C6orf141: variants seen among roughly 807,000 people sequenced by gnomAD.
The protein encoded by C6orf141 is uncharacterized protein C6orf141.
For missense variants in C6orf141, 361 were observed against 335.8 expected, an observed-to-expected ratio of 1.07 and a Z score of -0.59; for synonymous variants, 164 against 140.5, an observed-to-expected ratio of 1.17 and a Z score of -1.18.
rs1472355212 is a variant in C6orf141, at chr6:49,558,063, T to TG, written c.*763+2906_*763+2907insG. Among the ~76,000 whole-genome samples the TG allele has an allele frequency of 8.5e-3, 1,077 of 126,804 alleles. 20 individuals carry two copies. Among genetic ancestry groups the TG allele is most frequent in the South Asian group, 0.029 (110 of 3,780 alleles). 83.2% of individuals were successfully genotyped at this position (126,804 alleles called of 152,430 possible). ...CATGCCGTTACACTCAAATATGTTT[T>TG]TTTTTTTTTTTTTTTTTTTTAGTAG... is the stretch of plus-strand genomic sequence containing the variant. On this transcript the variant is annotated intron_variant and NMD_transcript_variant, in intron 4 of 4. Coordinates refer to the C6orf141 transcript ENST00000371194.
chr6:49,557,649 A>AAAAC (rs374155278), intron 4 of C6orf141, among the ~76,000 whole-genome samples: 6 of 152,108 alleles, frequency 3.9e-5, no homozygotes, highest in African/African-American at 7.2e-5. Context: ...GTAATCACTG[A>AAAAC]AAACAAACAA....
intron 4 of C6orf141, among the ~76,000 whole-genome samples, chr6:49,559,727 G>T (rs1304472686): frequency 6.6e-6 from 1 of 152,042 alleles, no homozygotes; most frequent in Non-Finnish European, 1.5e-5. Context: ...GGCACAATTG[G>T]GTATCTTGAA....
downstream of C6orf141, among the ~76,000 whole-genome samples, chr6:49,555,803 C>G (rs576179501): frequency 2.5e-4 from 38 of 151,868 alleles, no homozygotes; most frequent in Admixed American, 2.1e-3. Flanking sequence ...CCACCGCGCA[C>G]CTGGCGTGCC....
At chr6:49,558,071 T>TTGTTTTTTTTTTTTTTTTTTTG (rs1554168735) in intron 4 of C6orf141, among the ~76,000 whole-genome samples, 26 of 139,414 alleles carry the variant, frequency 1.9e-4, no homozygotes, top group African/African-American at 6.8e-4. Context: ...TTTTTTTTTT[T>TTGTTTTTTTTTTTTTTTTTTTG]TTTTTTTTTT....
At chr6:49,560,446 G>A (rs1773080030) in intron 4 of C6orf141, 1 of 152,250 alleles carries the variant, frequency 6.6e-6, no homozygotes, top group Non-Finnish European at 1.5e-5. Flanking sequence ...GGTTTGCTCA[G>A]GAGAGAACAA....
chr6:49,561,323 T>C (rs533495219), intron 4 of C6orf141, among the ~76,000 whole-genome samples: 65 of 152,240 alleles, frequency 4.3e-4, no homozygotes, highest in Admixed American at 7.8e-4. Flanking sequence ...GGTCTCAAAC[T>C]CCTGACCTCA....
chr6:49,558,059 G>GTTTTTTTTTTTTTGTTTTTTTTTGTT (rs1772345550), intron 4 of C6orf141, among the ~76,000 whole-genome samples: 4 of 97,802 alleles, frequency 4.1e-5, no homozygotes, highest in Admixed American at 1.3e-4. Context: ...ACTCAAATAT[G>GTTTTTTTTTTTTTGTTTTTTTTTGTT]TTTTTTTTTT....
At chr6:49,561,690 T>C (rs1485827240) in intron 4 of C6orf141, 1 of 152,080 alleles carries the variant, frequency 6.6e-6, no homozygotes, top group Non-Finnish European at 1.5e-5. Context: ...ACTTATTCTT[T>C]TCTTAAAAAA....
chr6:49,554,247 C>T (rs536582808), downstream of C6orf141, among the ~76,000 whole-genome samples: 16 of 152,192 alleles, frequency 1.1e-4, no homozygotes, highest in African/African-American at 3.6e-4. Context: ...GTTTGTTTTC[C>T]CTCTGGGATT....
intron 4 of C6orf141, among the ~76,000 whole-genome samples, chr6:49,557,525 A>G (rs1324048690): frequency 6.6e-6 from 1 of 152,186 alleles, no homozygotes; most frequent in Non-Finnish European, 1.5e-5. Context: ...TTCTTAGAGC[A>G]TTTACTTTAG....
chr6:49,550,820 A>T lies in C6orf141; in HGVS notation c.28A>T (p.Thr10Ser). 6.8e-7 allele frequency: 1 copy of T among 1,470,408 alleles called. No homozygotes were observed. Among genetic ancestry groups the T allele is most frequent in the Non-Finnish European group, 9.0e-7 (1 of 1,113,614 alleles). The allele number at this position is 1,470,408 out of a possible 1,614,324, so 91.1% of individuals were successfully genotyped here. MNDPFARME[T>S]RGPQGAANPM... Reference sequence around the variant, plus strand: ...GAATGACCCTTTTGCCAGGATGGAGACCCGGGGGCCTCAGGGAGCTGCGAA... The same window carrying T: ...GAATGACCCTTTTGCCAGGATGGAGTCCCGGGGGCCTCAGGGAGCTGCGAA... Residue 10 changes from threonine (T) to serine (S), a missense_variant, in exon 1 of 1, where the codon ACC (threonine) becomes TCC (serine). By Grantham distance (58) the Thr-to-Ser change is moderately conservative. Coordinates refer to ENST00000529246, the MANE Select transcript of C6orf141 (RefSeq NM_001145652.2).
intron 4 of C6orf141, among the ~76,000 whole-genome samples, chr6:49,558,574 G>GT: frequency 6.6e-6 from 1 of 151,992 alleles, no homozygotes; most frequent in African/African-American, 2.4e-5. Context: ...AACCTCATAA[G>GT]TTTTTTTCAA....
chr6:49,559,091 C>T (rs932339582), intron 4 of C6orf141, among the ~76,000 whole-genome samples: 2 of 148,594 alleles, frequency 1.3e-5, no homozygotes, highest in Non-Finnish European at 3.0e-5. Context: ...ACAATCAAAT[C>T]CAAACCAGTG....
intron 4 of C6orf141, among the ~76,000 whole-genome samples, chr6:49,557,595 C>T (rs1772206763): frequency 6.6e-6 from 1 of 152,070 alleles, no homozygotes; most frequent in South Asian, 2.1e-4. Flanking sequence ...AAGAAAGATC[C>T]AGGTATGTCT....
downstream of C6orf141, among the ~76,000 whole-genome samples, chr6:49,556,967 C>A (rs938525587): frequency 1.3e-5 from 2 of 152,056 alleles, no homozygotes; most frequent in African/African-American, 2.4e-5. Context: ...TAAAACAGAA[C>A]AAGAGGCCAA....
At chr6:49,556,059 T>C (rs1263781708), downstream of C6orf141, among the ~76,000 whole-genome samples, 1 of 152,230 alleles carries the variant, frequency 6.6e-6, no homozygotes, top group South Asian at 2.1e-4. Flanking sequence ...CTGATGCTAC[T>C]CAAGATGGGC....
At chr6:49,561,500 AC>A (rs1773314662) in intron 4 of C6orf141, among the ~76,000 whole-genome samples, 2 of 152,158 alleles carry the variant, frequency 1.3e-5, no homozygotes, top group South Asian at 4.1e-4. Context: ...AAACAATACC[AC>A]AGCAATTGTG....
Position 49,550,685 on chromosome 6 carries a change from G to A in C6orf141, c.-108G>A, listed in dbSNP as rs545503167. On this transcript the variant is annotated 5_prime_UTR_variant, in exon 1 of 1. Transcript: ENST00000529246. ...GCTGATCTAGTCTTCAGCTTTCACCGGCTGGGAGTCCGGAGCTGCAGCAGA... is the reference window on the plus strand; with the variant it reads ...GCTGATCTAGTCTTCAGCTTTCACCAGCTGGGAGTCCGGAGCTGCAGCAGA... 1.8e-5 allele frequency: 18 copies of A among 1,015,682 alleles called. No homozygotes were observed. The South Asian group carries it at 2.4e-4, about 14-fold the overall frequency. The allele number at this position is 1,015,682 out of a possible 1,614,324, so 62.9% of individuals were successfully genotyped here.
rs1158336244 is a variant in C6orf141 at position 49,551,509 on chromosome 6, C to G, written c.717C>G (p.Leu239=). The G allele has an allele frequency of 3.9e-6, 6 of 1,550,936 alleles. No individual in the cohort carries two copies. In the Admixed American group the frequency reaches 7.9e-5, roughly 20 times the overall value. ...RRVSPSPGTW[L]EEIKL is the part of the protein sequence containing the mutation. ...TTTCACCGTCTCCAGGGACTTGGCT[C>G]GAGGAAATTAAACTCTAATGAGTAG... The change falls in exon 1 of 1, where the codon CTC becomes CTG. Residue 239 remains leucine (L), a synonymous_variant. Transcript: ENST00000529246.
Sources: gnomAD v4.1 joint callset for allele counts (sites outside exome capture counted in the v4.1 genomes callset) on GRCh38, gnomAD v4.1.1 for gene constraint, MANE v1.5 for transcripts, NCBI Gene and HGNC (gene_info 2026-07-23, HGNC 2026-07-21) for gene names.